Variants in PABPC4L observed in about 807,000 individuals in gnomAD.
The protein encoded by PABPC4L is polyadenylate-binding protein 4-like.
For synonymous variants in PABPC4L, 169 were observed against 164.1 expected (o/e 1.03, Z -0.23); for missense variants, 452 against 451.4 (o/e 1.00, Z -0.01).
At chr4:133,985,051 T>C in the PABPC4L span, among the ~76,000 whole-genome samples, 1 of 152,000 alleles carries the variant, frequency 6.6e-6, no homozygotes, top group Non-Finnish European at 1.5e-5. Flanking sequence ...GAAATGCTTG[T>C]TGTTATCGAG....
chr4:134,111,515 A>T, the PABPC4L span, among the ~76,000 whole-genome samples: 11 of 151,992 alleles, frequency 7.2e-5, no homozygotes, highest in Admixed American at 2.0e-4. Context: ...ATACACACAT[A>T]TAGACTTCTA....
chr4:133,969,141 C>A, the PABPC4L span, among the ~76,000 whole-genome samples: 1 of 152,074 alleles, frequency 6.6e-6, no homozygotes, highest in South Asian at 2.1e-4. Flanking sequence ...CTTCTCTGTT[C>A]TCATACATAT....
the PABPC4L span, among the ~76,000 whole-genome samples, chr4:134,087,306 C>T: frequency 9.3e-4 from 142 of 152,236 alleles, 1 homozygote; most frequent in Non-Finnish European, 1.6e-3. Context: ...TGGAAATCAT[C>T]ATTCTCAGTA....
chr4:134,193,702 GA>G (rs1729577161), downstream of PABPC4L, among the ~76,000 whole-genome samples: 1 of 151,846 alleles, frequency 6.6e-6, no homozygotes, highest in Admixed American at 6.6e-5. Flanking sequence ...AGCAAGTCCA[GA>G]AGCATAAGAA....
At chr4:134,004,835 T>C in the PABPC4L span, among the ~76,000 whole-genome samples, 3 of 151,886 alleles carry the variant, frequency 2.0e-5, no homozygotes, top group Admixed American at 2.0e-4. Context: ...GAGGATATTA[T>C]GTTAAGGAGA....
chr4:134,111,892 T>A, the PABPC4L span, among the ~76,000 whole-genome samples: 1 of 151,978 alleles, frequency 6.6e-6, no homozygotes, highest in African/African-American at 2.4e-5. Context: ...GAAAACAGAC[T>A]AAGGCACAAA....
At chr4:134,006,546 T>A in the PABPC4L span, among the ~76,000 whole-genome samples, 1 of 151,944 alleles carries the variant, frequency 6.6e-6, no homozygotes, top group African/African-American at 2.4e-5. Flanking sequence ...CCTACAGGAA[T>A]TTCTTGCTTT....
the PABPC4L span, among the ~76,000 whole-genome samples, chr4:134,080,916 C>T: frequency 6.6e-6 from 1 of 152,100 alleles, no homozygotes; most frequent in Non-Finnish European, 1.5e-5. Flanking sequence ...GACCATGTAA[C>T]TGACAACTTC....
the PABPC4L span, among the ~76,000 whole-genome samples, chr4:134,165,516 A>T: frequency 6.6e-6 from 1 of 152,072 alleles, no homozygotes; most frequent in African/African-American, 2.4e-5. Context: ...TACACAAATG[A>T]TCAATAAACA....
At chr4:133,970,672 G>A in the PABPC4L span, among the ~76,000 whole-genome samples, 27 of 152,212 alleles carry the variant, frequency 1.8e-4, no homozygotes, top group African/African-American at 5.3e-4. Context: ...AAATTCATAC[G>A]TTGAAATTCT....
At chr4:134,040,617 A>G in the PABPC4L span, among the ~76,000 whole-genome samples, 1 of 152,220 alleles carries the variant, frequency 6.6e-6, no homozygotes, top group Non-Finnish European at 1.5e-5. Context: ...TAAAACCATA[A>G]AAACCCTAGA....
At position 134,200,515 on chromosome 4, in the gene PABPC4L, CA is replaced by C. The variant is rs1560840016; in HGVS notation, c.504del (p.Phe168LeufsTer27). On this transcript the variant is annotated frameshift_variant, in exon 2 of 2. Coordinates refer to ENST00000421491, the MANE Select transcript of PABPC4L (RefSeq NM_001114734.2). LOFTEE classifies it low-confidence loss of function (END_TRUNC). The stretch of plus-strand genomic sequence containing the variant: ...TCTTTTCGGTTTTTGAATCTGCCAA[CA>C]AACACCTTGCAGCCCTTGAGTAGTT... Reference protein sequence around the residue: ...NGKLLKGCKVFVGRFKNRKDR... With the variant: ...NGKLLKGCKVXVGRFKNRKDR... The C allele has an allele frequency of 6.4e-7, 1 of 1,551,642 alleles. No individual in the cohort carries two copies. The highest frequency in any genetic ancestry group is 1.4e-5 in the African/African-American group (1 of 73,168).
chr4:134,118,078 T>C, the PABPC4L span, among the ~76,000 whole-genome samples: 1 of 151,782 alleles, frequency 6.6e-6, no homozygotes, highest in African/African-American at 2.4e-5. Context: ...CTAAGGATAA[T>C]GGTGTCAACA....
chr4:134,079,657 CTGTGTGTGTATGTCTG>C, the PABPC4L span, among the ~76,000 whole-genome samples: 3 of 139,884 alleles, frequency 2.1e-5, no homozygotes, highest in South Asian at 4.9e-4. Context: ...GGATGTGTGT[CTGTGTGTGTATGTCTG>C]TGTGTGTGTG....
At chr4:134,011,396 A>C in the PABPC4L span, among the ~76,000 whole-genome samples, 10 of 152,136 alleles carry the variant, frequency 6.6e-5, no homozygotes, top group African/African-American at 2.2e-4. Flanking sequence ...CTGAAAAAAA[A>C]TTCCAGGAAT....
At chr4:134,176,694 G>A in the PABPC4L span, among the ~76,000 whole-genome samples, 2 of 152,008 alleles carry the variant, frequency 1.3e-5, no homozygotes, top group Admixed American at 1.3e-4. Context: ...ACAGAACAGA[G>A]GGGAGAAAAG....
chr4:134,184,577 C>A, the PABPC4L span, among the ~76,000 whole-genome samples: 2 of 152,010 alleles, frequency 1.3e-5, no homozygotes, highest in East Asian at 3.9e-4. Context: ...CTTGACAGCT[C>A]ATTTTGTTTT....
At chr4:134,187,622 A>C in the PABPC4L span, among the ~76,000 whole-genome samples, 13 of 152,070 alleles carry the variant, frequency 8.5e-5, no homozygotes, top group Non-Finnish European at 1.6e-4. Context: ...GCACATACAC[A>C]GTAAGAATCA....
the PABPC4L span, among the ~76,000 whole-genome samples, chr4:134,100,310 A>T: frequency 6.6e-6 from 1 of 151,712 alleles, no homozygotes; most frequent in African/African-American, 2.4e-5. Context: ...TGTAAATTGA[A>T]TTTTTATAAA....
Sources: gnomAD v4.1 joint callset for allele counts (sites outside exome capture counted in the v4.1 genomes callset) on GRCh38, gnomAD v4.1.1 for gene constraint, MANE v1.5 for transcripts, NCBI Gene and HGNC (gene_info 2026-07-23, HGNC 2026-07-21) for gene names.